Variants in CELF2 observed in about 807,000 individuals in gnomAD.
CELF2 encodes CUG triplet repeat RNA-binding protein 2.
In CELF2, 8 loss-of-function variants were observed where a neutral mutation model predicts 62.6. The ratio of observed to expected loss-of-function variants is 0.13; its 90% CI spans 0.07 to 0.23. The LOEUF (loss-of-function observed/expected upper bound fraction) is 0.23, where lower values mean the gene tolerates loss of function less well. Among genes scored for constraint, CELF2 ranks in the 10% least tolerant of loss-of-function variants. The probability of loss-of-function intolerance (pLI) is 1.00; values close to 1 mark genes in which losing one functional copy is unlikely to be tolerated. For synonymous variants in CELF2, 258 were observed against 250.0 expected (o/e 1.03, Z -0.30); for missense variants, 333 against 671.0 (o/e 0.50, Z 5.56).
At position 11,257,724 on chromosome 10, in the gene CELF2, T is replaced by A. The variant is rs546504883; in HGVS notation, c.404-14T>A. ...TGAAATGGCCTTTGCTCATTCGTTA[T>A]TTTTATCTCCTAGCTGTGGAAGACA... On this transcript the variant is annotated splice_polypyrimidine_tract_variant and intron_variant, in intron 4 of 12. Transcript: ENST00000633077. 6.2e-7 allele frequency: 1 copy of A among 1,611,666 alleles called. No homozygotes were observed. The highest frequency in any genetic ancestry group is 8.5e-7 in the Non-Finnish European group (1 of 1,177,982).
chr10:11,097,135 A>G (rs1346318422), intron 1 of CELF2: 2 of 152,182 alleles, frequency 1.3e-5, no homozygotes, highest in East Asian at 3.8e-4. Context: ...TTTTTTAGTT[A>G]ATGCAATTTA....
At chr10:11,231,842 C>G (rs1470401355) in intron 3 of CELF2, among the ~76,000 whole-genome samples, 1 of 151,188 alleles carries the variant, frequency 6.6e-6, no homozygotes, top group Non-Finnish European at 1.5e-5. Flanking sequence ...TCCATTTTAC[C>G]TGCAGTGCAC....
the CELF2 span, among the ~76,000 whole-genome samples, chr10:10,676,879 T>G: frequency 1.3e-5 from 2 of 152,230 alleles, no homozygotes; most frequent in East Asian, 1.9e-4. Context: ...ACAGTACTTT[T>G]AGACTCTTAA....
At chr10:11,062,372 A>G (rs1158813801) in intron 1 of CELF2, among the ~76,000 whole-genome samples, 2 of 152,240 alleles carry the variant, frequency 1.3e-5, no homozygotes, top group Non-Finnish European at 2.9e-5. Flanking sequence ...TGATTCCTCT[A>G]ATGGATCTGT....
Position 11,100,245 on chromosome 10 carries a change from G to A in CELF2, c.75-65241G>A, listed in dbSNP as rs948369882. Among the ~76,000 whole-genome samples the A allele has an allele frequency of 2.6e-5, 4 of 151,670 alleles. No individual in the cohort carries two copies. The East Asian group carries it at 7.7e-4, about 29-fold the overall frequency. Reference sequence around the variant, plus strand: ...TAAAATAAATAAATAAATAAATAAAGTTTATAATTCATAGTCACCCAAGGC... The same window carrying A: ...TAAAATAAATAAATAAATAAATAAAATTTATAATTCATAGTCACCCAAGGC... On this transcript the variant is annotated intron_variant, in intron 1 of 12. Transcript: ENST00000633077.
chr10:10,789,334 T>C, the CELF2 span, among the ~76,000 whole-genome samples: 2 of 152,206 alleles, frequency 1.3e-5, no homozygotes, highest in Non-Finnish European at 2.9e-5. Context: ...TGTTTTTGAT[T>C]GTTTCATAAT....
intron 1 of CELF2, among the ~76,000 whole-genome samples, chr10:11,047,249 T>G (rs181844690): frequency 1.3e-5 from 2 of 152,262 alleles, no homozygotes; most frequent in East Asian, 3.9e-4. Flanking sequence ...GAGTATAATT[T>G]TAGTGCTTTA....
chr10:10,921,812 C>A (rs1239669624), intron 2 of CELF2, among the ~76,000 whole-genome samples: 1 of 151,212 alleles, frequency 6.6e-6, no homozygotes, highest in Non-Finnish European at 1.5e-5. Flanking sequence ...GACATTCTAC[C>A]TAAGCGTGGA....
At chr10:11,000,124 G>C (rs1427965461) in intron 2 of CELF2, among the ~76,000 whole-genome samples, 1 of 152,192 alleles carries the variant, frequency 6.6e-6, no homozygotes, top group African/African-American at 2.4e-5. Context: ...TGTCTGCTAA[G>C]TTGTAAGATT....
rs762823066 is a variant in CELF2 at position 11,314,203 on chromosome 10, T to G, written c.1041T>G (p.Thr347=). The G allele has an allele frequency of 6.2e-7, 1 of 1,614,076 alleles. No individual in the cohort carries two copies. Among genetic ancestry groups the G allele is most frequent in the Non-Finnish European group, 8.5e-7 (1 of 1,179,908 alleles). Residue 347 remains threonine, a synonymous_variant, in exon 10 of 13, where the codon ACT becomes ACG. Coordinates refer to ENST00000633077, the MANE Select transcript of CELF2 (RefSeq NM_001326342.2). This position sits in a 1 kb window ranked among gnomAD's most constrained non-coding sequence, Gnocchi z 5.3. ...TGAACTCCTTGACCTCTCTCGGGAC[T>G]CTGCAAGGACTGGCTGGAGCCACTG... ...AAMNSLTSLG[T]LQGLAGATVG... is the part of the protein sequence containing the mutation.
the CELF2 span, among the ~76,000 whole-genome samples, chr10:10,568,810 G>A: frequency 3.3e-5 from 5 of 152,274 alleles, no homozygotes; most frequent in East Asian, 5.8e-4. Context: ...TCAATTTGGA[G>A]AAAGAAAAAG....
intron 1 of CELF2, among the ~76,000 whole-genome samples, chr10:11,112,838 G>A (rs1054661627): frequency 2.0e-5 from 3 of 152,222 alleles, no homozygotes; most frequent in Non-Finnish European, 4.4e-5. Context: ...CACATGCGTA[G>A]CCCATATCCG....
At chr10:10,754,471 G>C in the CELF2 span, among the ~76,000 whole-genome samples, 8 of 152,102 alleles carry the variant, frequency 5.3e-5, no homozygotes, top group African/African-American at 1.9e-4. Flanking sequence ...ACTCTTAATC[G>C]TGTTCTTTAA....
Position 11,146,592 on chromosome 10 carries a change from G to A in CELF2, c.75-18894G>A, listed in dbSNP as rs187813341. Among the ~76,000 whole-genome samples the A allele has an allele frequency of 2.2e-4, 34 of 152,324 alleles. 1 individual carries two copies. Among genetic ancestry groups the A allele is most frequent in the Admixed American group, 1.8e-3 (28 of 15,306 alleles). On this transcript the variant is annotated intron_variant, in intron 1 of 12. Coordinates refer to ENST00000633077, the MANE Select transcript of CELF2 (RefSeq NM_001326342.2). ...AGAAAGTGGATTGGAGAAGAATAAC[G>A]TGGGGTCACTAAGCCACATTCCATC...
chr10:10,744,623 T>G, the CELF2 span, among the ~76,000 whole-genome samples: 12 of 152,292 alleles, frequency 7.9e-5, no homozygotes, highest in South Asian at 8.3e-4. Flanking sequence ...TAGAATAGGT[T>G]GCTTTTTGTC....
intron 9 of CELF2, among the ~76,000 whole-genome samples, chr10:11,291,430 G>T (rs542560612): frequency 1.3e-5 from 2 of 152,016 alleles, no homozygotes; most frequent in Non-Finnish European, 2.9e-5. Flanking sequence ...CAATAAATAG[G>T]TTCCTTTGTC....
intron 2 of CELF2, among the ~76,000 whole-genome samples, chr10:10,922,000 A>G (rs1304694287): frequency 6.6e-6 from 1 of 152,220 alleles, no homozygotes; most frequent in Admixed American, 6.5e-5. Context: ...TGTCATGAAC[A>G]GCACTGGAGA....
At chr10:10,973,831 G>A (rs11256940) in intron 2 of CELF2, among the ~76,000 whole-genome samples, 1 of 152,106 alleles carries the variant, frequency 6.6e-6, no homozygotes, top group Non-Finnish European at 1.5e-5. Context: ...GCCTCCCAAA[G>A]TGCTGGGATT....
intron 1 of CELF2, among the ~76,000 whole-genome samples, chr10:11,070,037 G>A (rs776134214): frequency 4.6e-5 from 7 of 152,114 alleles, no homozygotes; most frequent in Non-Finnish European, 1.0e-4. Context: ...AAAAATTTGG[G>A]TTTGCTATTT....
Sources: allele counts gnomAD v4.1 joint callset (sites outside exome capture counted in the v4.1 genomes callset), GRCh38; gene constraint gnomAD v4.1.1; non-coding constraint Gnocchi (gnomAD v3.1); transcripts MANE v1.5; gene names NCBI Gene and HGNC (gene_info 2026-07-23, HGNC 2026-07-21).